The following EIF4A2 variants were observed in gnomAD, a reference collection of about 807,000 sequenced individuals.
EIF4A2 encodes eukaryotic translation initiation factor 4A2.
EIF4A2 carries 9 observed loss-of-function variants against 50.6 expected under a neutral mutation model. That is an observed-to-expected ratio of 0.18 (90% CI 0.11 to 0.31). The LOEUF (loss-of-function observed/expected upper bound fraction) is 0.31, where lower values mean the gene tolerates loss of function less well. Among genes scored for constraint, EIF4A2 ranks in the 10% least tolerant of loss-of-function variants. The pLI is 1.00. For missense variants in EIF4A2, 182 were observed against 501.8 expected (o/e 0.36, Z 6.09); for synonymous variants, 215 against 164.4 (o/e 1.31, Z -2.35).
Position 186,789,400 on chromosome 3 carries a change from T to C in EIF4A2, c.*131T>C. 1 of 1,338,614 alleles carries C rather than the reference T, an allele frequency of 7.5e-7. No individual in the cohort carries two copies. Among genetic ancestry groups the C allele is most frequent in the South Asian group, 1.7e-5 (1 of 60,436 alleles). 82.9% of individuals were successfully genotyped at this position (1,338,614 alleles called of 1,614,324 possible). On this transcript the variant is annotated 3_prime_UTR_variant, in exon 11 of 11. Transcript: ENST00000323963. The stretch of plus-strand genomic sequence containing the variant: ...CTCATAACGGATCAGAAATACAGAT[T>C]TTGATAGCAAAGCGACGTTAGTCGT...
In EIF4A2 at chr3:186,786,170, A is replaced by G; in HGVS notation, c.524A>G (p.Lys175Arg). ...ATGACTTTGTTTCTAACAGCTCCAAAATGGATCAAAATGTTTGTTTTGGAT... is the reference window on the plus strand; with the variant it reads ...ATGACTTTGTTTCTAACAGCTCCAAGATGGATCAAAATGTTTGTTTTGGAT... ...DMLNRRYLSP[K>R]WIKMFVLDEA... The change falls in exon 6 of 11, where the codon AAA (lysine) becomes AGA (arginine). Residue 175 changes from lysine to arginine, a missense_variant. Lys to Arg is a conservative substitution (Grantham distance 26). This residue lies in a region of EIF4A2 where 113 missense variants were observed against 357.3 expected (regional missense o/e 0.32). Coordinates refer to ENST00000323963, the MANE Select transcript of EIF4A2 (RefSeq NM_001967.4). 6.2e-7 allele frequency: 1 copy of G among 1,613,652 alleles called. No homozygotes were observed. The highest frequency in any genetic ancestry group is 2.2e-5 in the East Asian group (1 of 44,866).
At chr3:186,787,626 C>CT (rs1400964581) in intron 9 of EIF4A2, 42 bp downstream of exon 9, 1 of 1,611,782 alleles carries the variant, frequency 6.2e-7, no homozygotes. Context: ...CAAAAGTTAG[C>CT]TTTTTGGGGG....
intron 10 of EIF4A2, chr3:186,788,293 C>G (rs1721889389): frequency 2.3e-6 from 3 of 1,290,976 alleles, no homozygotes; most frequent in Non-Finnish European, 3.0e-6. Flanking sequence ...TAAAAAAAGA[C>G]TTTTTAAAAA....
intron 4 of EIF4A2, 119 bp downstream of exon 4, chr3:186,785,220 TC>T: frequency 7.0e-7 from 1 of 1,438,072 alleles, no homozygotes; most frequent in Non-Finnish European, 9.4e-7. Flanking sequence ...CTTTTAATTG[TC>T]CATGCATGCA....
Position 186,786,485 on chromosome 3 carries a change from A to G in EIF4A2, c.628-17A>G, listed in dbSNP as rs188469767. On this transcript the variant is annotated splice_polypyrimidine_tract_variant and intron_variant, in intron 6 of 10. Transcript: ENST00000323963. ...TAATGTGTAAGTTGTGCTACAACAT[A>G]ATTTTCTCTTTTTAAGGTTGTGTTG... is the stretch of plus-strand genomic sequence containing the variant. The G allele has an allele frequency of 1.6e-5, 26 of 1,609,942 alleles. No homozygotes were observed. In the Admixed American group the frequency reaches 3.0e-4, roughly 19 times the overall value.
At chr3:186,785,604 CCCTA>C (rs1481172768) in intron 4 of EIF4A2, 5 of 399,204 alleles carry the variant, frequency 1.3e-5, no homozygotes, top group African/African-American at 2.0e-5. Flanking sequence ...ACTACGTACT[CCCTA>C]CCTACAGTGA....
In EIF4A2 at chr3:186,783,579, T is replaced by C; in HGVS notation, c.-32T>C. Reference sequence around the variant, plus strand: ...AACGGGTGGTTGGGCGCCGCTGTCTTTTCAGTCGGGCGCTGAGTGGTTTTT... The same window carrying C: ...AACGGGTGGTTGGGCGCCGCTGTCTCTTCAGTCGGGCGCTGAGTGGTTTTT... On this transcript the variant is annotated 5_prime_UTR_variant, in exon 1 of 11. Transcript: ENST00000323963. 1 of 1,614,132 alleles carries C rather than the reference T, an allele frequency of 6.2e-7. No homozygotes were observed. The highest frequency in any genetic ancestry group is 1.1e-5 in the South Asian group (1 of 91,078).
At chr3:186,788,529 G>A in intron 10 of EIF4A2, 1 of 909,290 alleles carries the variant, frequency 1.1e-6, no homozygotes, top group Non-Finnish European at 1.4e-6. Context: ...CTTATTAGGT[G>A]GTTTGTATTG....
chr3:186,783,650 T>A lies in EIF4A2; in HGVS notation c.29+11T>A, dbSNP rs1368559474. The A allele has an allele frequency of 2.5e-6, 4 of 1,614,136 alleles. No homozygotes were observed. Among genetic ancestry groups the A allele is most frequent in the Non-Finnish European group, 3.4e-6 (4 of 1,180,028 alleles). ...CGCGGATTATAACAGGTATGCAGTCTGTTGGCGGTCGCGGTCTGTAGTGAA... is the reference window on the plus strand; with the variant it reads ...CGCGGATTATAACAGGTATGCAGTCAGTTGGCGGTCGCGGTCTGTAGTGAA... On this transcript the variant is annotated intron_variant, in intron 1 of 10. Transcript: ENST00000323963.
At chr3:186,784,327 G>A in intron 1 of EIF4A2, 105 bp from the exon 2 acceptor site, 2 of 1,529,262 alleles carry the variant, frequency 1.3e-6, no homozygotes, top group Non-Finnish European at 1.8e-6. Flanking sequence ...TTTAGCTTGT[G>A]CAGGGGAGGC....
rs1229955461 is a variant in EIF4A2, at chr3:186,784,855, C to T, written c.209-107C>T. On this transcript the variant is annotated intron_variant, in intron 3 of 10. Transcript: ENST00000323963. ...CCTGAAATGAAGAGAATACTCATTG[C>T]TGATCACTTGATTATTTGGGCATAA... The T allele has an allele frequency of 2.5e-6, 4 of 1,601,254 alleles. No homozygotes were observed. The African/African-American group carries it at 4.0e-5, about 16-fold the overall frequency.
chr3:186,787,363 A>G (rs761308394), intron 8 of EIF4A2, 99 bp downstream of exon 8: 22 of 1,611,562 alleles, frequency 1.4e-5, no homozygotes, highest in Middle Eastern at 1.6e-4. Flanking sequence ...TGCTTAAAAT[A>G]AAGTTGTTTC....
At chr3:186,786,906 G>A (rs1362916151) in intron 7 of EIF4A2, 1 of 877,766 alleles carries the variant, frequency 1.1e-6, no homozygotes, top group Non-Finnish European at 1.9e-6. Context: ...TTTTGAGACT[G>A]GGTTATGAGA....
At chr3:186,784,088 T>C in intron 1 of EIF4A2, 1 of 469,712 alleles carries the variant, frequency 2.1e-6, no homozygotes, top group African/African-American at 1.9e-5. Flanking sequence ...ACAGGACCGG[T>C]GCCGGTGAAC....
intron 10 of EIF4A2, chr3:186,788,521 T>C: frequency 6.1e-6 from 6 of 986,958 alleles, no homozygotes; most frequent in Non-Finnish European, 7.9e-6. Flanking sequence ...GAACCTTTCT[T>C]ATTAGGTGGT....
chr3:186,789,288 T>C lies in EIF4A2; in HGVS notation c.*19T>C, dbSNP rs758261570. On this transcript the variant is annotated 3_prime_UTR_variant, in exon 11 of 11. Transcript: ENST00000323963. ...TATTTAATTCCTGGGATGAGAGTTTTGGATGCAGTGCTCGCTGTTGCTGAA... is the reference window on the plus strand; with the variant it reads ...TATTTAATTCCTGGGATGAGAGTTTCGGATGCAGTGCTCGCTGTTGCTGAA... 1 of 1,599,384 alleles carries C rather than the reference T, an allele frequency of 6.3e-7. No homozygotes were observed. Among genetic ancestry groups the C allele is most frequent in the South Asian group, 1.1e-5 (1 of 89,504 alleles).
At position 186,786,504 on chromosome 3, in the gene EIF4A2, T is replaced by G. The variant is rs371718873; in HGVS notation, c.630T>G (p.Val210=). Reference sequence around the variant, plus strand: ...CAACATAATTTTCTCTTTTTAAGGTTGTGTTGCTTTCTGCCACAATGCCAA... The same window carrying G: ...CAACATAATTTTCTCTTTTTAAGGTGGTGTTGCTTTCTGCCACAATGCCAA... The part of the protein sequence containing the change: ...IFQKLNTSIQ[V]VLLSATMPTD... Residue 210 remains valine (V), a splice_region_variant and synonymous_variant, in exon 7 of 11, where the codon GTT becomes GTG. Transcript: ENST00000323963. 11 of 1,611,640 alleles carry G rather than the reference T, an allele frequency of 6.8e-6. No individual in the cohort carries two copies. The highest frequency in any genetic ancestry group is 4.4e-5 in the South Asian group (4 of 90,822).
rs773652972 is a variant in EIF4A2 at position 186,787,536 on chromosome 3, G to A, written c.951G>A (p.Arg317=). Residue 317 remains arginine, a synonymous_variant, in exon 9 of 11, where the codon AGG becomes AGA. Transcript: ENST00000323963. ...AGAAGGAGAGAGATGTTATCATGAG[G>A]GAATTCCGGTCAGGGTCAAGTCGTG... is the stretch of plus-strand genomic sequence containing the variant. ...MDQKERDVIM[R]EFRSGSSRVL... 20 of 1,613,544 alleles carry A rather than the reference G, an allele frequency of 1.2e-5. No individual in the cohort carries two copies. Among genetic ancestry groups the A allele is most frequent in the South Asian group, 2.2e-5 (2 of 91,056 alleles).
At chr3:186,785,179 CTT>C (rs1342370100) in intron 4 of EIF4A2, 78 bp downstream of exon 4, 20 of 1,575,920 alleles carry the variant, frequency 1.3e-5, no homozygotes, top group Admixed American at 5.5e-5. Flanking sequence ...GAATTTAAAA[CTT>C]AGTATAAATT....
Sources: gnomAD v4.1 joint callset for allele counts on GRCh38, gnomAD v4.1.1 for gene constraint, gnomAD v4.1.1 regional missense constraint, MANE v1.5 for transcripts, NCBI Gene and HGNC (gene_info 2026-07-23, HGNC 2026-07-21) for gene names.